The following ZIM2 variants were observed in gnomAD, a reference collection of about 807,000 sequenced individuals.
The protein encoded by ZIM2 is zinc finger imprinted 2, also known as zinc finger protein 656.
A neutral mutation model predicts 38.6 loss-of-function variants in ZIM2; 14 were observed. The observed-to-expected ratio is 0.36, with a 90% CI of 0.24 to 0.57. The LOEUF (loss-of-function observed/expected upper bound fraction) is 0.57, where lower values mean the gene tolerates loss of function less well. Ranked by LOEUF, ZIM2 falls within the 20% of genes least tolerant of loss-of-function variation. ZIM2 has a pLI of 0.81. For synonymous variants in ZIM2, 247 were observed against 245.8 expected, an observed-to-expected ratio of 1.00 and a Z score of -0.04; for missense variants, 680 against 695.1, an observed-to-expected ratio of 0.98 and a Z score of 0.24.
At chr19:56,816,827 C>T (rs2060023510) in intron 9 of ZIM2, 3 of 1,614,178 alleles carry the variant, frequency 1.9e-6, no homozygotes, top group Non-Finnish European at 2.5e-6. Context: ...TCCTCACATT[C>T]CTGATTCTTA....
intron 10 of ZIM2, chr19:56,782,376 A>G (rs1182077761): frequency 4.1e-6 from 2 of 489,638 alleles, no homozygotes; most frequent in Non-Finnish European, 7.6e-6. Context: ...AAGCATGCAA[A>G]TACTTAAAAG....
At position 56,821,710 on chromosome 19, in the gene ZIM2, T is replaced by G. The variant is rs374196455; in HGVS notation, c.235A>C (p.Ser79Arg). The G allele has an allele frequency of 6.2e-7, 1 of 1,613,888 alleles. No homozygotes were observed. Among genetic ancestry groups the G allele is most frequent in the Non-Finnish European group, 8.5e-7 (1 of 1,180,014 alleles). ...TCGTCCTCTCTGTCCATTTCAAAGC[T>G]TGTTTTCGCCACCACAGGAAGGGAA... ...DLSLPVVAKT[S>R]FEMDREDDRD... is the part of the protein sequence containing the mutation. Residue 79 changes from serine (S) to arginine (R), a missense_variant, in exon 7 of 13, where the codon AGC becomes CGC. Transcript: ENST00000629319.
At chr19:56,817,903 T>C in intron 8 of ZIM2, 65 bp from the exon 9 acceptor site, 2 of 1,282,018 alleles carry the variant, frequency 1.6e-6, no homozygotes, top group Non-Finnish European at 2.2e-6. Flanking sequence ...CACCATAAAT[T>C]GATCTTCATC....
intron 8 of ZIM2, among the ~76,000 whole-genome samples, chr19:56,818,393 A>G (rs1415291631): frequency 6.6e-6 from 1 of 152,190 alleles, no homozygotes; most frequent in Admixed American, 6.5e-5. Context: ...CACCCTGTAC[A>G]ATGTATCTTT....
intron 7 of ZIM2, among the ~76,000 whole-genome samples, chr19:56,819,137 T>G (rs1394705304): frequency 6.6e-6 from 1 of 151,802 alleles, no homozygotes. Context: ...TAGAAAGGGA[T>G]TGGTGGGAAA....
intron 9 of ZIM2, chr19:56,810,126 A>AATG (rs1180723817): frequency 2.1e-6 from 2 of 963,278 alleles, no homozygotes; most frequent in Non-Finnish European, 2.5e-6. Flanking sequence ...TTACAGATAG[A>AATG]ATGACCACAA....
intron 6 of ZIM2, 139 bp from the exon 7 acceptor site, chr19:56,821,893 C>A (rs899216088): frequency 1.1e-6 from 1 of 912,108 alleles, no homozygotes; most frequent in Non-Finnish European, 1.7e-6. Context: ...CATTCTGTGG[C>A]AGCCTCTGAG....
At chr19:56,826,277 A>G (rs2061023045) in intron 3 of ZIM2, 111 bp downstream of exon 3, 1 of 152,286 alleles carries the variant, frequency 6.6e-6, no homozygotes, top group South Asian at 2.1e-4. Context: ...AGGCAAGGGC[A>G]GACGGCCCAA....
At chr19:56,794,237 A>G (rs2047080529) in intron 9 of ZIM2, among the ~76,000 whole-genome samples, 1 of 152,206 alleles carries the variant, frequency 6.6e-6, no homozygotes, top group Non-Finnish European at 1.5e-5. Context: ...AGTGATTTTT[A>G]TAGGTGATTT....
chr19:56,780,770 T>C (rs924842518), intron 11 of ZIM2, among the ~76,000 whole-genome samples: 1 of 152,230 alleles, frequency 6.6e-6, no homozygotes, highest in Non-Finnish European at 1.5e-5. Flanking sequence ...AACACCAAAC[T>C]GATATTCTCT....
intron 11 of ZIM2, among the ~76,000 whole-genome samples, chr19:56,781,619 C>T (rs947048804): frequency 2.0e-5 from 3 of 152,036 alleles, no homozygotes; most frequent in Non-Finnish European, 4.4e-5. Flanking sequence ...AGTACTTTAG[C>T]CTTTCAATGA....
Position 56,774,772 on chromosome 19 carries a change from C to T in ZIM2, c.1593G>A (p.Gly531=). The stretch of plus-strand genomic sequence containing the variant: ...GGTATGAGGGTCGGCCGAAACATTT[C>T]CCACATAGCTGACACTGGTAAGGCC... The part of the protein sequence containing the change: ...QERPYQCQLC[G]KCFGRPSYLT... Residue 531 remains glycine (G), a synonymous_variant, in exon 13 of 13, where the codon GGG becomes GGA. Coordinates refer to ENST00000629319, the MANE Select transcript of ZIM2 (RefSeq NM_001387356.1). The T allele has an allele frequency of 6.2e-7, 1 of 1,614,142 alleles. No homozygotes were observed. Among genetic ancestry groups the T allele is most frequent in the Non-Finnish European group, 8.5e-7 (1 of 1,180,030 alleles).
At chr19:56,801,999 T>C (rs182697976) in intron 9 of ZIM2, among the ~76,000 whole-genome samples, 18 of 152,148 alleles carry the variant, frequency 1.2e-4, no homozygotes, top group Non-Finnish European at 2.1e-4. Flanking sequence ...GAAAGGATCC[T>C]AAAGACCTAA....
intron 9 of ZIM2, among the ~76,000 whole-genome samples, chr19:56,800,634 C>T (rs1182291642): frequency 6.6e-6 from 1 of 151,966 alleles, no homozygotes; most frequent in African/African-American, 2.4e-5. Context: ...GATTTTTAGA[C>T]ATAAAGATGT....
rs181523577 is a variant in ZIM2, at chr19:56,800,394, G to T, written c.491-10443C>A. On this transcript the variant is annotated intron_variant, in intron 9 of 12. Transcript: ENST00000629319. ...ACATGTTTCTAAAAATTACAGAATG[G>T]TTTCAGCTATAAAATGCTAACATCT... Among the ~76,000 whole-genome samples, 329 of 152,042 alleles carry T rather than the reference G, an allele frequency of 2.2e-3. 2 individuals carry two copies. The highest frequency in any genetic ancestry group is 7.1e-3 in the African/African-American group (293 of 41,518).
intron 9 of ZIM2, chr19:56,813,977 C>G (rs1161661265): frequency 2.5e-6 from 4 of 1,614,134 alleles, no homozygotes; most frequent in Non-Finnish European, 3.4e-6. Context: ...TCTTCTGGGT[C>G]TTCAATTCCC....
intron 2 of ZIM2, chr19:56,833,248 C>T: frequency 2.1e-6 from 1 of 482,632 alleles, no homozygotes; most frequent in Non-Finnish European, 4.2e-6. Flanking sequence ...GGTCCCTCAC[C>T]ATGGTGCACC....
intron 8 of ZIM2, 58 bp from the exon 9 acceptor site, chr19:56,817,896 C>T: frequency 1.5e-6 from 2 of 1,339,004 alleles, no homozygotes; most frequent in Non-Finnish European, 2.1e-6. Flanking sequence ...GACTCATCAC[C>T]ATAAATTGAT....
At chr19:56,813,281 A>C in intron 9 of ZIM2, 1 of 938,606 alleles carries the variant, frequency 1.1e-6, no homozygotes. Flanking sequence ...ATAAATCCAA[A>C]TATATGTGAT....
Sources: gnomAD v4.1 joint callset for allele counts (sites outside exome capture counted in the v4.1 genomes callset) on GRCh38, gnomAD v4.1.1 for gene constraint, MANE v1.5 for transcripts, NCBI Gene and HGNC (gene_info 2026-07-23, HGNC 2026-07-21) for gene names.